The following ZNF226 variants were observed in gnomAD, a reference collection of about 807,000 sequenced individuals.
The protein encoded by ZNF226 is zinc finger protein 226, also known as Kruppel-associated box protein.
Under a neutral mutation model 11.4 loss-of-function variants are expected in ZNF226, and 6 were observed. That is an observed-to-expected ratio of 0.53 (90% confidence interval 0.29 to 1.04). The LOEUF (loss-of-function observed/expected upper bound fraction) is 1.04, where lower values mean the gene tolerates loss of function less well. Among genes scored for constraint, ZNF226 ranks in the 50% least tolerant of loss-of-function variants. ZNF226 has a pLI of 0.08. For synonymous variants in ZNF226, 350 were observed against 322.8 expected, an observed-to-expected ratio of 1.08 and a Z score of -0.90; for missense variants, 1,058 against 956.5, an observed-to-expected ratio of 1.11 and a Z score of -1.40.
At chr19:44,197,637 G>A in the ZNF226 span, among the ~76,000 whole-genome samples, 1 of 152,158 alleles carries the variant, frequency 6.6e-6, no homozygotes, top group Admixed American at 6.5e-5. Flanking sequence ...AGCAAACAGA[G>A]CATGTATCTG....
chr19:44,182,391 TATAAC>T (rs1347570529), downstream of ZNF226, among the ~76,000 whole-genome samples: 1 of 152,086 alleles, frequency 6.6e-6, no homozygotes, highest in Non-Finnish European at 1.5e-5. Flanking sequence ...ACACCTCAGT[TATAAC>T]AAGCAAAAAT....
chr19:44,196,072 G>A, the ZNF226 span, among the ~76,000 whole-genome samples: 1 of 152,142 alleles, frequency 6.6e-6, no homozygotes, highest in Non-Finnish European at 1.5e-5. Flanking sequence ...ATGCCAGGGG[G>A]ATGAATAGTT....
At position 44,175,862 on chromosome 19, in the gene ZNF226, G is replaced by T; in HGVS notation, c.600G>T (p.Lys200Asn). Residue 200 changes from lysine (K) to asparagine (N), a missense_variant, in exon 6 of 6, where the codon AAG becomes AAT. Coordinates refer to ENST00000337433, the MANE Select transcript of ZNF226 (RefSeq NM_001032373.2). ...ISIKNKLCQC[K>N]KGVDPIGWIS... is the part of the protein sequence containing the mutation. The stretch of plus-strand genomic sequence containing the variant: ...TAAAAAATAAATTATGTCAATGTAA[G>T]AAGGGTGTTGATCCCATCGGTTGGA... 1.2e-6 allele frequency: 2 copies of T among 1,613,656 alleles called. No homozygotes were observed. Among genetic ancestry groups the T allele is most frequent in the Non-Finnish European group, 1.7e-6 (2 of 1,179,786 alleles).
the ZNF226 span, among the ~76,000 whole-genome samples, chr19:44,199,164 G>A: frequency 1.3e-5 from 2 of 151,948 alleles, no homozygotes; most frequent in Admixed American, 6.6e-5. Context: ...TTCCTTTGTT[G>A]TTGTGTTGTT....
chr19:44,176,513 A>T lies in ZNF226; in HGVS notation c.1251A>T (p.Lys417Asn), dbSNP rs762227637. ...ATCAAAGAGTTCATACAGGAGAGAAACCATACAAATGTGAGGAGTGTGGTA... is the reference window on the plus strand; with the variant it reads ...ATCAAAGAGTTCATACAGGAGAGAATCCATACAAATGTGAGGAGTGTGGTA... ...QSHQRVHTGE[K>N]PYKCEECGKG... Residue 417 changes from lysine to asparagine, a missense_variant, in exon 6 of 6, where the codon AAA becomes AAT. Coordinates refer to ENST00000337433, the MANE Select transcript of ZNF226 (RefSeq NM_001032373.2). The T allele has an allele frequency of 6.2e-7, 1 of 1,614,160 alleles. No homozygotes were observed. Among genetic ancestry groups the T allele is most frequent in the African/African-American group, 1.3e-5 (1 of 75,028 alleles).
Position 44,177,552 on chromosome 19 carries a change from T to G in ZNF226, c.2290T>G (p.Phe764Val). The G allele has an allele frequency of 6.2e-7, 1 of 1,614,040 alleles. No individual in the cohort carries two copies. The change falls in exon 6 of 6, where the codon TTC becomes GTC. Residue 764 changes from phenylalanine to valine, a missense_variant. Physicochemically the swap from Phe to Val is conservative, Grantham distance 50. Transcript: ENST00000337433. ...PYKCEICGKS[F>V]SWRSNLTVHH... ...TAAATGTGAGATATGTGGTAAGAGC[T>G]TCAGTTGGCGATCAAATCTTACAGT... is the stretch of plus-strand genomic sequence containing the variant.
At chr19:44,171,214 T>G (rs1001318666) in intron 3 of ZNF226, among the ~76,000 whole-genome samples, 1 of 152,212 alleles carries the variant, frequency 6.6e-6, no homozygotes, top group Admixed American at 6.5e-5. Flanking sequence ...TCCGTAACAT[T>G]AGGTATTCAG....
the ZNF226 span, among the ~76,000 whole-genome samples, chr19:44,198,684 C>T: frequency 2.0e-5 from 3 of 152,330 alleles, no homozygotes; most frequent in Admixed American, 2.0e-4. Context: ...CTGCTGCTCC[C>T]AGTCAATATC....
At chr19:44,170,286 A>T (rs576424608) in intron 3 of ZNF226, among the ~76,000 whole-genome samples, 191 bp downstream of exon 3, 1 of 152,274 alleles carries the variant, frequency 6.6e-6, no homozygotes, top group African/African-American at 2.4e-5. Context: ...TATTTTACAA[A>T]TAAAGGTAGA....
At chr19:44,192,763 C>T in the ZNF226 span, among the ~76,000 whole-genome samples, 11 of 152,052 alleles carry the variant, frequency 7.2e-5, no homozygotes, top group African/African-American at 2.4e-4. Context: ...GTTCAGAAGA[C>T]GGCTGAAAAT....
intron 2 of ZNF226, among the ~76,000 whole-genome samples, chr19:44,166,204 C>G (rs894860966): frequency 3.3e-5 from 5 of 152,058 alleles, no homozygotes; most frequent in African/African-American, 9.7e-5. Context: ...TATTCTATGA[C>G]TTTTAAAAAA....
chr19:44,175,015 T>A, intron 5 of ZNF226: 1 of 1,611,964 alleles, frequency 6.2e-7, no homozygotes, highest in Non-Finnish European at 8.5e-7. Flanking sequence ...TTTTGCTCTA[T>A]GACCTGGCTC....
chr19:44,172,370 T>G, intron 4 of ZNF226, 156 bp downstream of exon 4: 1 of 954,090 alleles, frequency 1.0e-6, no homozygotes, highest in Non-Finnish European at 1.5e-6. Context: ...ACAGAATATT[T>G]TAGGTCTTTT....
At chr19:44,182,764 A>G (rs939847108), downstream of ZNF226, among the ~76,000 whole-genome samples, 2 of 152,202 alleles carry the variant, frequency 1.3e-5, no homozygotes, top group African/African-American at 4.8e-5. Context: ...CTTTACTGGT[A>G]GAGACAAAAT....
the ZNF226 span, among the ~76,000 whole-genome samples, chr19:44,190,542 G>A: frequency 6.6e-6 from 1 of 151,934 alleles, no homozygotes; most frequent in Admixed American, 6.6e-5. Context: ...TCACCATGTT[G>A]GCCAGGATGG....
chr19:44,178,957 A>C (rs1343682237), downstream of ZNF226, among the ~76,000 whole-genome samples: 1 of 152,160 alleles, frequency 6.6e-6, no homozygotes, highest in African/African-American at 2.4e-5. Context: ...AGGTGGGTGG[A>C]TCACCTAAGG....
Position 44,170,042 on chromosome 19 carries a change from T to C in ZNF226, c.-39T>C, listed in dbSNP as rs1469553361. 1 of 1,601,468 alleles carries C rather than the reference T, an allele frequency of 6.2e-7. No homozygotes were observed. Among genetic ancestry groups the C allele is most frequent in the Non-Finnish European group, 8.5e-7 (1 of 1,173,174 alleles). Reference sequence around the variant, plus strand: ...TTCTCTCTTCTTTCCTAGTTCAGCTTCTTAGGACTCTGCACTTCCCCAGAA... The same window carrying C: ...TTCTCTCTTCTTTCCTAGTTCAGCTCCTTAGGACTCTGCACTTCCCCAGAA... On this transcript the variant is annotated 5_prime_UTR_variant, in exon 3 of 6. Transcript: ENST00000337433.
At chr19:44,191,974 C>A in the ZNF226 span, among the ~76,000 whole-genome samples, 1 of 152,082 alleles carries the variant, frequency 6.6e-6, no homozygotes, top group Non-Finnish European at 1.5e-5. Context: ...GGAAGTTGAG[C>A]CTGATGAAAA....
At chr19:44,197,792 G>A in the ZNF226 span, among the ~76,000 whole-genome samples, 913 of 152,242 alleles carry the variant, frequency 6.0e-3, 32 homozygotes, top group Admixed American at 0.053. Context: ...TGTGTATTGT[G>A]ATTATCTTTT....
Sources: allele counts gnomAD v4.1 joint callset (sites outside exome capture counted in the v4.1 genomes callset), GRCh38; gene constraint gnomAD v4.1.1; transcripts MANE v1.5; gene names NCBI Gene and HGNC (gene_info 2026-07-23, HGNC 2026-07-21).